The following CELF4 variants were observed in gnomAD, a reference collection of about 807,000 sequenced individuals.
CELF4 encodes CUGBP Elav-like family member 4.
In CELF4, 18 loss-of-function variants were observed where a neutral mutation model predicts 59.9. That is an observed-to-expected ratio of 0.30 (90% CI 0.21 to 0.45). The LOEUF is 0.45. Among genes scored for constraint, CELF4 ranks in the 20% least tolerant of loss-of-function variants. CELF4 has a pLI of 1.00. For synonymous variants in CELF4, 261 were observed against 267.1 expected, an observed-to-expected ratio of 0.98 and a Z score of 0.22; for missense variants, 456 against 689.0, an observed-to-expected ratio of 0.66 and a Z score of 3.79.
intron 2 of CELF4, among the ~76,000 whole-genome samples, chr18:37,365,936 G>A (rs2098775342): frequency 6.6e-6 from 1 of 152,170 alleles, no homozygotes; most frequent in Admixed American, 6.5e-5. Flanking sequence ...GAGTGATCAG[G>A]AACAAGGGCC....
chr18:37,458,742 T>C (rs1036350228), intron 2 of CELF4, among the ~76,000 whole-genome samples: 22 of 152,176 alleles, frequency 1.4e-4, no homozygotes, highest in Non-Finnish European at 1.2e-4. Context: ...TCTGCAAAGC[T>C]TGCTGCCACT....
At chr18:37,550,190 C>A (rs1299384518) in intron 1 of CELF4, among the ~76,000 whole-genome samples, 2 of 152,006 alleles carry the variant, frequency 1.3e-5, no homozygotes, top group East Asian at 3.8e-4. Flanking sequence ...TTGGGCTTGG[C>A]AGTGATTGTT....
chr18:37,496,549 AG>A (rs1238174303), intron 1 of CELF4, among the ~76,000 whole-genome samples: 1 of 152,264 alleles, frequency 6.6e-6, no homozygotes, highest in Non-Finnish European at 1.5e-5. Flanking sequence ...TTAAAAAAGA[AG>A]CACACCAACC....
chr18:37,548,844 C>T (rs2099982262), intron 1 of CELF4, among the ~76,000 whole-genome samples: 1 of 152,196 alleles, frequency 6.6e-6, no homozygotes, highest in Admixed American at 6.5e-5. Context: ...TGGAGTACAT[C>T]CTTGGCGTGC....
chr18:37,307,542 A>G (rs8090831), intron 3 of CELF4, among the ~76,000 whole-genome samples: 68,788 of 151,838 alleles, frequency 0.45, 15,802 homozygotes, highest in South Asian at 0.57. Context: ...AAGATGTGCC[A>G]CAAGGAGAAT....
chr18:37,421,576 C>A (rs2099578464), intron 2 of CELF4, among the ~76,000 whole-genome samples: 1 of 152,202 alleles, frequency 6.6e-6, no homozygotes, highest in African/African-American at 2.4e-5. Context: ...TGTCTCCCAG[C>A]CAGACAGTGA....
At chr18:37,292,631 G>C (rs2095412949) in intron 3 of CELF4, among the ~76,000 whole-genome samples, 1 of 152,150 alleles carries the variant, frequency 6.6e-6, no homozygotes, top group Admixed American at 6.5e-5. Context: ...AATGATATTT[G>C]CATAGATTAA....
rs781330064 is a variant in CELF4 at position 37,253,835 on chromosome 18, G to C, written c.1437C>G (p.Pro479=). Residue 479 remains proline, a synonymous_variant, in exon 12 of 13, where the codon CCC becomes CCG. Transcript: ENST00000420428. This position sits in a 1 kb window ranked among gnomAD's most constrained non-coding sequence, Gnocchi z 4.5. ...MKRLKVQLKR[P]KDANRPY The stretch of plus-strand genomic sequence containing the variant: ...CTCAGTACGGGCGATTGGCGTCTTT[G>C]GGCCGCTTCAGCTGCACCTTGAGCC... 1 of 1,606,800 alleles carries C rather than the reference G, an allele frequency of 6.2e-7. No homozygotes were observed. The highest frequency in any genetic ancestry group is 8.5e-7 in the Non-Finnish European group (1 of 1,177,044).
intron 6 of CELF4, chr18:37,273,385 G>A: frequency 3.1e-6 from 4 of 1,297,992 alleles, no homozygotes; most frequent in Non-Finnish European, 3.9e-6. Flanking sequence ...GTAATGCTAG[G>A]GTCTTTGGAA....
intron 2 of CELF4, among the ~76,000 whole-genome samples, chr18:37,373,158 C>T (rs1477243986): frequency 6.6e-6 from 1 of 152,246 alleles, no homozygotes. Context: ...GGTGGCAGAG[C>T]TGGGGCCACT....
At chr18:37,510,223 C>T (rs2099942674) in intron 1 of CELF4, among the ~76,000 whole-genome samples, 1 of 152,182 alleles carries the variant, frequency 6.6e-6, no homozygotes, top group African/African-American at 2.4e-5. Flanking sequence ...CAACTTTACC[C>T]TCCTCCTGCC....
At chr18:37,311,830 G>A (rs1247017307) in intron 3 of CELF4, among the ~76,000 whole-genome samples, 13 of 144,406 alleles carry the variant, frequency 9.0e-5, no homozygotes, top group African/African-American at 3.1e-4. Flanking sequence ...AACAGGGATC[G>A]TCCGGGCGCG....
intron 2 of CELF4, among the ~76,000 whole-genome samples, chr18:37,400,671 C>T (rs1470416254): frequency 6.6e-6 from 1 of 152,230 alleles, no homozygotes; most frequent in Non-Finnish European, 1.5e-5. Context: ...TTTGTGTTCT[C>T]AACCCAGCCT....
At chr18:37,430,842 C>T (rs1479897263) in intron 2 of CELF4, among the ~76,000 whole-genome samples, 1 of 152,246 alleles carries the variant, frequency 6.6e-6, no homozygotes, top group African/African-American at 2.4e-5. Context: ...TCTCCTTACC[C>T]CATGGGGATC....
chr18:37,436,109 G>T (rs755317684), intron 2 of CELF4, among the ~76,000 whole-genome samples: 4 of 152,180 alleles, frequency 2.6e-5, no homozygotes, highest in Non-Finnish European at 5.9e-5. Flanking sequence ...GGGCAGGCTG[G>T]CTCAGGGTGT....
chr18:37,534,840 A>G (rs2099972217), intron 1 of CELF4, among the ~76,000 whole-genome samples: 1 of 152,156 alleles, frequency 6.6e-6, no homozygotes, highest in African/African-American at 2.4e-5. Context: ...GCCTTAGAGA[A>G]GAGGTGACAT....
intron 1 of CELF4, among the ~76,000 whole-genome samples, chr18:37,498,273 T>C (rs1378477446): frequency 6.6e-6 from 1 of 152,024 alleles, no homozygotes; most frequent in Non-Finnish European, 1.5e-5. Context: ...TCTCACTTTC[T>C]GTTCTTCCTC....
At chr18:37,390,181 C>A (rs115222970) in intron 2 of CELF4, among the ~76,000 whole-genome samples, 1 of 152,192 alleles carries the variant, frequency 6.6e-6, no homozygotes, top group African/African-American at 2.4e-5. Flanking sequence ...CATGAGCGTG[C>A]GCCACATGGG....
intron 1 of CELF4, among the ~76,000 whole-genome samples, chr18:37,493,635 T>C (rs2099915604): frequency 6.7e-6 from 1 of 149,576 alleles, no homozygotes; most frequent in South Asian, 2.1e-4. Context: ...TACGTCTTCC[T>C]CAGAGGAGGC....
Sources: gnomAD v4.1 joint callset for allele counts (sites outside exome capture counted in the v4.1 genomes callset) on GRCh38, gnomAD v4.1.1 for gene constraint, Gnocchi (gnomAD v3.1) non-coding constraint, MANE v1.5 for transcripts, NCBI Gene and HGNC (gene_info 2026-07-23, HGNC 2026-07-21) for gene names.